The following ACSM3 variants were observed in gnomAD, a reference collection of about 807,000 sequenced individuals.
ACSM3 encodes acyl-CoA synthetase medium chain family member 3.
Under a neutral mutation model 74.1 loss-of-function variants are expected in ACSM3, and 61 were observed. That is an observed-to-expected ratio of 0.82 (90% CI 0.67 to 1.02). ACSM3 has a LOEUF of 1.02. Ranked by LOEUF, ACSM3 falls within the 50% of genes least tolerant of loss-of-function variation. The pLI is 0.00. For synonymous variants in ACSM3, 213 were observed against 241.5 expected, an observed-to-expected ratio of 0.88 and a Z score of 1.09; for missense variants, 660 against 697.0, an observed-to-expected ratio of 0.95 and a Z score of 0.60.
chr16:20,781,010 G>T lies in ACSM3; in HGVS notation c.819G>T (p.Trp273Cys). 1 of 1,614,132 alleles carries T rather than the reference G, an allele frequency of 6.2e-7. No individual in the cohort carries two copies. ...WLDLTPSDVMWNTSDTGWAKS... is the reference protein window; with the variant it reads ...WLDLTPSDVMCNTSDTGWAKS... The stretch of plus-strand genomic sequence containing the variant: ...ATTTGACACCCTCAGATGTGATGTG[G>T]AATACCTCAGATACGGGCTGGGCAA... Residue 273 changes from tryptophan to cysteine, a missense_variant, in exon 6 of 14, where the codon TGG becomes TGT. Trp to Cys is a radical substitution (Grantham distance 215). Coordinates refer to ENST00000289416, the MANE Select transcript of ACSM3 (RefSeq NM_005622.4).
chr16:20,768,697 C>T (rs1052298794), intron 1 of ACSM3, among the ~76,000 whole-genome samples: 1 of 152,136 alleles, frequency 6.6e-6, no homozygotes. Context: ...CAAACCACTG[C>T]TCTATTGAAA....
intron 1 of ACSM3, among the ~76,000 whole-genome samples, chr16:20,714,339 T>C (rs979348180): frequency 6.6e-6 from 1 of 152,122 alleles, no homozygotes; most frequent in African/African-American, 2.4e-5. Flanking sequence ...AGATCTCATA[T>C]GCCATGATAA....
At chr16:20,729,367 T>G in intron 1 of ACSM3, 1 of 1,376,136 alleles carries the variant, frequency 7.3e-7, no homozygotes, top group South Asian at 1.2e-5. Context: ...GGTTTGTAGA[T>G]TTGCCACTCT....
At chr16:20,732,123 C>T (rs1020557050) in intron 1 of ACSM3, among the ~76,000 whole-genome samples, 44 of 152,040 alleles carry the variant, frequency 2.9e-4, no homozygotes, top group African/African-American at 8.2e-4. Context: ...ATCAAGGGAC[C>T]CCATTAATAT....
intron 1 of ACSM3, chr16:20,736,785 TAAA>T: frequency 1.5e-6 from 2 of 1,290,462 alleles, no homozygotes; most frequent in Middle Eastern, 2.4e-4. Context: ...AGCACACAAA[TAAA>T]AAACTGTTTT....
At chr16:20,733,374 T>C (rs899178756) in intron 1 of ACSM3, among the ~76,000 whole-genome samples, 1 of 152,058 alleles carries the variant, frequency 6.6e-6, no homozygotes, top group Admixed American at 6.6e-5. Flanking sequence ...CTTCAATATA[T>C]TAAAATACTG....
At chr16:20,754,985 G>A (rs1489373019) in intron 2 of ACSM3, among the ~76,000 whole-genome samples, 1 of 152,164 alleles carries the variant, frequency 6.6e-6, no homozygotes, top group Non-Finnish European at 1.5e-5. Context: ...GAAGGCTGGG[G>A]ATGGTGTGAG....
At chr16:20,755,786 C>CT (rs67515746) in intron 3 of ACSM3, among the ~76,000 whole-genome samples, 1 of 100,930 alleles carries the variant, frequency 9.9e-6, no homozygotes, top group Non-Finnish European at 2.0e-5. Context: ...CCCTCCCCCC[C>CT]CCCCACCCCA....
At chr16:20,707,546 A>T (rs1237998235) in intron 1 of ACSM3, among the ~76,000 whole-genome samples, 1 of 152,202 alleles carries the variant, frequency 6.6e-6, no homozygotes, top group Admixed American at 6.5e-5. Flanking sequence ...TCCTGGAGAC[A>T]GTAGAGACCA....
chr16:20,718,887 C>T (rs191840959), intron 1 of ACSM3, among the ~76,000 whole-genome samples: 122 of 152,244 alleles, frequency 8.0e-4, no homozygotes, highest in South Asian at 6.4e-3. Context: ...TATATGTATT[C>T]GCTGTCACCT....
In ACSM3 at chr16:20,716,558, C is replaced by T. The variant is rs533860109; in HGVS notation, c.-189-33352C>T. ...GGCTTATAAACATGCTCTCCATTAT[C>T]GCAAGCAGCAGAGCATATTCTATAT... is the stretch of plus-strand genomic sequence containing the variant. On this transcript the variant is annotated intron_variant, in intron 1 of 3. Coordinates refer to the ACSM3 transcript ENST00000561584. Among the ~76,000 whole-genome samples the T allele has an allele frequency of 1.1e-4, 17 of 152,278 alleles. No individual in the cohort carries two copies. The South Asian group carries it at 1.9e-3, about 17-fold the overall frequency.
intron 1 of ACSM3, chr16:20,738,906 G>C (rs1300552153): frequency 6.2e-7 from 1 of 1,614,136 alleles, no homozygotes; most frequent in East Asian, 2.2e-5. Context: ...CCTATCCCAA[G>C]TGTCCTGATG....
chr16:20,693,363 C>G (rs2079673208), intron 1 of ACSM3, among the ~76,000 whole-genome samples: 1 of 152,148 alleles, frequency 6.6e-6, no homozygotes, highest in African/African-American at 2.4e-5. Flanking sequence ...AACATGACAG[C>G]AGGAACCTCC....
At chr16:20,737,979 GAAGAT>G in intron 1 of ACSM3, 7 of 1,561,070 alleles carry the variant, frequency 4.5e-6, no homozygotes, top group South Asian at 1.2e-5. Context: ...AAAAAGTTAA[GAAGAT>G]AATTTCTCAG....
upstream of ACSM3, among the ~76,000 whole-genome samples, chr16:20,760,714 A>C (rs2080069982): frequency 6.6e-6 from 1 of 152,150 alleles, no homozygotes; most frequent in South Asian, 2.1e-4. Flanking sequence ...AGTATAACTC[A>C]AGTTAAAGTT....
In ACSM3 at chr16:20,770,045, G is replaced by C; in HGVS notation, c.11G>C (p.Arg4Pro). 6 of 1,614,136 alleles carry C rather than the reference G, an allele frequency of 3.7e-6. No individual in the cohort carries two copies. Among genetic ancestry groups the C allele is most frequent in the Non-Finnish European group, 5.1e-6 (6 of 1,180,002 alleles). Residue 4 changes from arginine to proline, a missense_variant, in exon 2 of 14, where the codon CGT becomes CCT. Coordinates refer to ENST00000289416, the MANE Select transcript of ACSM3 (RefSeq NM_005622.4). MLA[R>P]VTRKMLRHAK... ...CTTCCAACAAGACTGATGCTAGCTC[G>C]TGTCACCAGGAAGATGCTACGTCAT...
At chr16:20,701,991 T>C (rs1395027574) in intron 1 of ACSM3, among the ~76,000 whole-genome samples, 4 of 152,224 alleles carry the variant, frequency 2.6e-5, no homozygotes, top group African/African-American at 9.6e-5. Context: ...TAAATAGTGC[T>C]GCAATAAACA....
intron 1 of ACSM3, chr16:20,733,047 C>T (rs1335567904): frequency 6.5e-6 from 1 of 153,242 alleles, no homozygotes; most frequent in Non-Finnish European, 1.5e-5. Flanking sequence ...CGATTTGTTC[C>T]TGATAATTCA....
Position 20,797,318 on chromosome 16 carries a change from A to C in ACSM3, c.*346A>C. ...TAATTCTTCTGATATGTTGATATAC[A>C]AATCAGAACCAATGTTCAAGCCTGA... On this transcript the variant is annotated 3_prime_UTR_variant, in exon 14 of 14. Transcript: ENST00000289416. 9.8e-7 allele frequency: 1 copy of C among 1,017,438 alleles called. No homozygotes were observed. Among genetic ancestry groups the C allele is most frequent in the Non-Finnish European group, 1.2e-6 (1 of 852,372 alleles). The allele number at this position is 1,017,438 out of a possible 1,614,324, so 63.0% of individuals were successfully genotyped here.
Sources: allele counts gnomAD v4.1 joint callset (sites outside exome capture counted in the v4.1 genomes callset), GRCh38; gene constraint gnomAD v4.1.1; transcripts MANE v1.5; gene names NCBI Gene and HGNC (gene_info 2026-07-23, HGNC 2026-07-21).